The following ADGRL3 variants were observed in gnomAD, a reference collection of about 807,000 sequenced individuals.
ADGRL3 encodes adhesion G protein-coupled receptor L3.
Under a neutral mutation model 153.5 loss-of-function variants are expected in ADGRL3, and 62 were observed. The observed-to-expected ratio is 0.40, with a 90% CI of 0.33 to 0.50. The LOEUF (loss-of-function observed/expected upper bound fraction) is 0.50. ADGRL3 is among the 20% of genes least tolerant of loss of function. The pLI, the probability that ADGRL3 is intolerant of heterozygous loss-of-function variation, is 0.47. For synonymous variants in ADGRL3, 710 were observed against 672.5 expected (o/e 1.06, Z -0.86); for missense variants, 1,641 against 1,859.4 (o/e 0.88, Z 2.16).
chr4:61,468,748 A>G (rs991894907), intron 2 of ADGRL3, among the ~76,000 whole-genome samples: 1 of 152,074 alleles, frequency 6.6e-6, no homozygotes, highest in Non-Finnish European at 1.5e-5. Context: ...AGTGGCTGGC[A>G]TAAAGAGAGT....
chr4:61,584,172 A>G (rs1378532042), intron 4 of ADGRL3, among the ~76,000 whole-genome samples: 1 of 152,066 alleles, frequency 6.6e-6, no homozygotes, highest in African/African-American at 2.4e-5. Context: ...AATGTTATAG[A>G]GTAATTTCCA....
At chr4:61,626,975 ATTG>A (rs1273547952) in intron 5 of ADGRL3, among the ~76,000 whole-genome samples, 1 of 152,100 alleles carries the variant, frequency 6.6e-6, no homozygotes, top group African/African-American at 2.4e-5. Flanking sequence ...TGTGAAAATA[ATTG>A]TTGTTTTTGC....
intron 8 of ADGRL3, 57 bp from the exon 9 acceptor site, chr4:61,813,752 A>G: frequency 3.8e-6 from 6 of 1,592,246 alleles, no homozygotes; most frequent in Non-Finnish European, 5.1e-6. Context: ...AAAACAATTT[A>G]AAAAGGGAAA....
intron 9 of ADGRL3, among the ~76,000 whole-genome samples, chr4:61,843,513 G>A (rs979575518): frequency 2.6e-5 from 4 of 152,090 alleles, no homozygotes; most frequent in African/African-American, 9.7e-5. Context: ...ATATGCAAGA[G>A]GAGCCATTGT....
intron 1 of ADGRL3, among the ~76,000 whole-genome samples, chr4:61,241,076 A>G (rs1486779545): frequency 1.3e-5 from 2 of 152,016 alleles, no homozygotes; most frequent in Non-Finnish European, 2.9e-5. Flanking sequence ...ATATATATGT[A>G]TCTTTTACAC....
At chr4:62,002,285 C>A in intron 21 of ADGRL3, among the ~76,000 whole-genome samples, 2 of 147,924 alleles carry the variant, frequency 1.4e-5, no homozygotes, top group East Asian at 2.0e-4. Flanking sequence ...TCTTCAGCCT[C>A]ATTTTATGCA....
intron 9 of ADGRL3, among the ~76,000 whole-genome samples, chr4:61,832,442 C>T (rs1167248449): frequency 6.6e-6 from 1 of 152,146 alleles, no homozygotes; most frequent in African/African-American, 2.4e-5. Context: ...AGTCTTAATA[C>T]AATTGCATTT....
At chr4:62,018,556 A>G (rs745662327) in intron 21 of ADGRL3, among the ~76,000 whole-genome samples, 84 of 152,264 alleles carry the variant, frequency 5.5e-4, no homozygotes, top group Non-Finnish European at 1.1e-3. Context: ...GTAGGCATAG[A>G]TGTCAGGAAA....
chr4:61,645,994 C>A (rs936406082), intron 5 of ADGRL3, among the ~76,000 whole-genome samples: 1 of 152,062 alleles, frequency 6.6e-6, no homozygotes. Flanking sequence ...TCTTTTTATT[C>A]TTTTTTCTCT....
chr4:61,379,699 G>GA (rs1380219621), intron 1 of ADGRL3, among the ~76,000 whole-genome samples: 3 of 151,946 alleles, frequency 2.0e-5, no homozygotes, highest in Non-Finnish European at 4.4e-5. Context: ...CACTTGGACT[G>GA]AAAAAATAAC....
intron 25 of ADGRL3, among the ~76,000 whole-genome samples, chr4:62,046,340 G>A (rs1731117111): frequency 6.6e-6 from 1 of 151,894 alleles, no homozygotes; most frequent in Non-Finnish European, 1.5e-5. Flanking sequence ...AGGTGTGTCA[G>A]TTCAGTAAAA....
intron 1 of ADGRL3, among the ~76,000 whole-genome samples, chr4:61,357,223 A>G (rs901548840): frequency 2.0e-4 from 31 of 152,216 alleles, no homozygotes; most frequent in African/African-American, 7.5e-4. Flanking sequence ...CTTGTTAATG[A>G]TTAATATATG....
At chr4:61,980,799 A>G (rs2099065600) in intron 18 of ADGRL3, among the ~76,000 whole-genome samples, 1 of 152,096 alleles carries the variant, frequency 6.6e-6, no homozygotes, top group Non-Finnish European at 1.5e-5. Flanking sequence ...TTTTGACTTG[A>G]TAGCTTATTT....
At chr4:61,998,425 T>G (rs2099129084) in intron 21 of ADGRL3, among the ~76,000 whole-genome samples, 160 bp downstream of exon 21, 1 of 152,198 alleles carries the variant, frequency 6.6e-6, no homozygotes. Flanking sequence ...TGACTTGATC[T>G]GCCTGAAAAT....
intron 2 of ADGRL3, among the ~76,000 whole-genome samples, chr4:61,462,936 G>A (rs948374419): frequency 1.3e-5 from 2 of 152,130 alleles, no homozygotes; most frequent in Non-Finnish European, 2.9e-5. Flanking sequence ...ACAGCCCAGT[G>A]CTCAGATGTT....
intron 2 of ADGRL3, among the ~76,000 whole-genome samples, chr4:61,407,316 G>A (rs1168914256): frequency 2.0e-5 from 3 of 152,032 alleles, no homozygotes; most frequent in Non-Finnish European, 4.4e-5. Context: ...GAAGTAGATA[G>A]GTCATTAGTC....
At chr4:61,272,363 A>G (rs968634773) in intron 1 of ADGRL3, among the ~76,000 whole-genome samples, 5 of 152,068 alleles carry the variant, frequency 3.3e-5, no homozygotes, top group African/African-American at 1.2e-4. Flanking sequence ...TGGGAAATAG[A>G]GTAATATCTT....
At chr4:61,831,300 A>C (rs1049170840) in intron 9 of ADGRL3, among the ~76,000 whole-genome samples, 1 of 151,890 alleles carries the variant, frequency 6.6e-6, no homozygotes, top group African/African-American at 2.4e-5. Context: ...AGGTGATAGA[A>C]AGTCATTAAC....
At chr4:61,865,777 T>A (rs547478735) in intron 9 of ADGRL3, among the ~76,000 whole-genome samples, 1 of 152,164 alleles carries the variant, frequency 6.6e-6, no homozygotes, top group Non-Finnish European at 1.5e-5. Context: ...ATGGTTAAGA[T>A]GGAAGGAAGA....
Sources: allele counts gnomAD v4.1 joint callset (sites outside exome capture counted in the v4.1 genomes callset), GRCh38; gene constraint gnomAD v4.1.1; transcripts MANE v1.5; gene names NCBI Gene and HGNC (gene_info 2026-07-23, HGNC 2026-07-21).